Variants in CCDC148 observed in about 807,000 individuals in gnomAD.
CCDC148 encodes the protein coiled-coil domain-containing protein 148.
In CCDC148, 89 loss-of-function variants were observed where a neutral mutation model predicts 85.7. That is an observed-to-expected ratio of 1.04 (90% CI 0.87 to 1.24). CCDC148 has a LOEUF of 1.24. Among genes scored for constraint, CCDC148 ranks in the 50% most tolerant of loss-of-function variants. CCDC148 has a pLI of 0.00. For missense variants in CCDC148, 692 were observed against 671.7 expected (o/e 1.03, Z -0.33); for synonymous variants, 230 against 213.9 (o/e 1.08, Z -0.66).
chr2:158,372,625 C>T (rs1684493570), intron 1 of CCDC148, among the ~76,000 whole-genome samples: 1 of 151,984 alleles, frequency 6.6e-6, no homozygotes, highest in Non-Finnish European at 1.5e-5. Flanking sequence ...TCTCTGACAG[C>T]TGCAGGGTAT....
chr2:158,444,088 G>A (rs992180045), intron 1 of CCDC148, among the ~76,000 whole-genome samples: 3 of 152,124 alleles, frequency 2.0e-5, no homozygotes, highest in African/African-American at 7.2e-5. Flanking sequence ...TTAAATATGA[G>A]GAGGAGAATT....
intron 7 of CCDC148, among the ~76,000 whole-genome samples, chr2:158,337,557 T>C (rs895363325): frequency 1.3e-5 from 2 of 152,008 alleles, no homozygotes; most frequent in Non-Finnish European, 2.9e-5. Context: ...CAAGTGTAAA[T>C]TGTATATTAT....
At chr2:158,207,419 G>A (rs987449558) in intron 11 of CCDC148, 2 of 152,126 alleles carry the variant, frequency 1.3e-5, no homozygotes, top group Admixed American at 1.3e-4. Flanking sequence ...AATACAAGTG[G>A]GAATGGTGCT....
intron 2 of CCDC148, among the ~76,000 whole-genome samples, chr2:158,354,433 G>T (rs1420386608): frequency 3.3e-5 from 5 of 152,030 alleles, no homozygotes; most frequent in African/African-American, 7.2e-5. Context: ...ACTACCATCA[G>T]AGAATACTAC....
intron 11 of CCDC148, among the ~76,000 whole-genome samples, chr2:158,191,654 T>C (rs1328477621): frequency 6.6e-6 from 1 of 152,024 alleles, no homozygotes; most frequent in Non-Finnish European, 1.5e-5. Context: ...CTTTTTTCCT[T>C]TGGCTTTCTC....
intron 1 of CCDC148, among the ~76,000 whole-genome samples, chr2:158,417,628 G>A (rs1340323459): frequency 3.9e-5 from 6 of 152,130 alleles, no homozygotes; most frequent in African/African-American, 1.2e-4. Context: ...ACAGATGCCA[G>A]ACCTGCCTTG....
chr2:158,456,568 A>T lies in CCDC148; in HGVS notation c.-129T>A. On this transcript the variant is annotated 5_prime_UTR_variant, in exon 1 of 14. Coordinates refer to ENST00000283233, the MANE Select transcript of CCDC148 (RefSeq NM_138803.4). ...TGTTCCTACCTTTGACGCCAGGGACAAACCCTACCAGGCACAGTTGGGATT... is the reference window on the plus strand; with the variant it reads ...TGTTCCTACCTTTGACGCCAGGGACTAACCCTACCAGGCACAGTTGGGATT... The T allele has an allele frequency of 1.7e-6, 2 of 1,171,570 alleles. No homozygotes were observed. Among genetic ancestry groups the T allele is most frequent in the Non-Finnish European group, 2.4e-6 (2 of 840,056 alleles). The allele number at this position is 1,171,570 out of a possible 1,614,324, so 72.6% of individuals were successfully genotyped here.
chr2:158,294,914 T>C (rs978518987), intron 9 of CCDC148, among the ~76,000 whole-genome samples: 5 of 152,068 alleles, frequency 3.3e-5, no homozygotes, highest in Admixed American at 6.6e-5. Flanking sequence ...AGAATTCCAG[T>C]TGACGATATT....
intron 11 of CCDC148, among the ~76,000 whole-genome samples, chr2:158,182,318 G>T (rs900713367): frequency 2.0e-5 from 3 of 152,130 alleles, no homozygotes; most frequent in Non-Finnish European, 4.4e-5. Context: ...TTAGGAAAGG[G>T]AAAGAAGGAG....
intron 1 of CCDC148, among the ~76,000 whole-genome samples, chr2:158,447,705 G>A (rs943155769): frequency 1.3e-5 from 2 of 152,002 alleles, no homozygotes; most frequent in African/African-American, 4.8e-5. Context: ...CCTTTTTGGT[G>A]AAATCTCTAT....
In CCDC148 at chr2:158,220,900, T is replaced by C. The variant is rs57871641; in HGVS notation, c.1252-187A>G. On this transcript the variant is annotated intron_variant, in intron 10 of 13. Transcript: ENST00000283233. ...AAATAAATTAAAACACAAAGGTAGATGCCCTGAGAAACTGCAAGGTTTAAC... is the reference window on the plus strand; with the variant it reads ...AAATAAATTAAAACACAAAGGTAGACGCCCTGAGAAACTGCAAGGTTTAAC... Among the ~76,000 whole-genome samples, 359 of 152,306 alleles carry C rather than the reference T, an allele frequency of 2.4e-3. 2 individuals are homozygous for C. Among genetic ancestry groups the C allele is most frequent in the African/African-American group, 8.0e-3 (331 of 41,578 alleles).
At chr2:158,429,258 A>G (rs1687220653) in intron 1 of CCDC148, among the ~76,000 whole-genome samples, 1 of 152,150 alleles carries the variant, frequency 6.6e-6, no homozygotes, top group African/African-American at 2.4e-5. Flanking sequence ...CACATTGAGC[A>G]CATGTACCCT....
intron 7 of CCDC148, among the ~76,000 whole-genome samples, chr2:158,324,338 AT>A (rs1398542431): frequency 1.3e-5 from 2 of 152,148 alleles, no homozygotes; most frequent in Non-Finnish European, 2.9e-5. Context: ...TCTATAAACT[AT>A]TTTGTGGCCT....
At chr2:158,344,372 C>A (rs1682889834) in intron 3 of CCDC148, among the ~76,000 whole-genome samples, 1 of 151,900 alleles carries the variant, frequency 6.6e-6, no homozygotes, top group Non-Finnish European at 1.5e-5. Flanking sequence ...GAGTCACCTG[C>A]CAGAATAAGA....
intron 1 of CCDC148, chr2:158,447,217 T>C (rs1226980194): frequency 6.6e-6 from 1 of 152,156 alleles, no homozygotes; most frequent in African/African-American, 2.4e-5. Flanking sequence ...GGTATCGATA[T>C]GTGCAATCCC....
intron 9 of CCDC148, among the ~76,000 whole-genome samples, chr2:158,270,481 C>A (rs2105161871): frequency 6.6e-6 from 1 of 152,214 alleles, no homozygotes; most frequent in South Asian, 2.1e-4. Context: ...GATAACCAAC[C>A]ATTAAAGCTA....
chr2:158,358,596 G>T, intron 1 of CCDC148, 26 bp from the exon 2 acceptor site: 1 of 1,462,932 alleles, frequency 6.8e-7, no homozygotes, highest in Non-Finnish European at 9.1e-7. Flanking sequence ...ATAGAAAAAT[G>T]ACAAAGAAAG....
intron 1 of CCDC148, among the ~76,000 whole-genome samples, chr2:158,413,846 A>G (rs181545951): frequency 2.0e-5 from 3 of 152,276 alleles, no homozygotes; most frequent in East Asian, 3.9e-4. Flanking sequence ...GGACTAAATA[A>G]CTCGTGAGTG....
At chr2:158,218,344 T>A (rs57622652) in intron 11 of CCDC148, among the ~76,000 whole-genome samples, 34,084 of 151,862 alleles carry the variant, frequency 0.22, 4,169 homozygotes, top group Middle Eastern at 0.3. Context: ...CAAAGAAGAG[T>A]CAAGACTAAA....
Sources: gnomAD v4.1 joint callset for allele counts (sites outside exome capture counted in the v4.1 genomes callset) on GRCh38, gnomAD v4.1.1 for gene constraint, MANE v1.5 for transcripts, NCBI Gene and HGNC (gene_info 2026-07-23, HGNC 2026-07-21) for gene names.